The following HECW2 variants were observed in gnomAD, a reference collection of about 807,000 sequenced individuals.
HECW2 encodes HECT, C2 and WW domain containing E3 ubiquitin protein ligase 2.
A neutral mutation model predicts 175.2 loss-of-function variants in HECW2; 61 were observed. That is an observed-to-expected ratio of 0.35 (90% CI 0.28 to 0.43). The LOEUF (loss-of-function observed/expected upper bound fraction) is 0.43. Ranked by LOEUF, HECW2 falls within the 20% of genes least tolerant of loss-of-function variation. HECW2 has a pLI of 1.00. For missense variants in HECW2, 1,524 were observed against 2,000.5 expected, an observed-to-expected ratio of 0.76 and a Z score of 4.54; for synonymous variants, 671 against 731.0, an observed-to-expected ratio of 0.92 and a Z score of 1.32.
chr2:196,311,651 G>C (rs532770402), intron 10 of HECW2, among the ~76,000 whole-genome samples: 218 of 152,220 alleles, frequency 1.4e-3, no homozygotes, highest in Middle Eastern at 3.4e-3. Context: ...ACAAAATTCA[G>C]CCAGGGGTGG....
chr2:196,578,986 A>G (rs10208829), intron 1 of HECW2, among the ~76,000 whole-genome samples: 7,990 of 152,240 alleles, frequency 0.052, 682 homozygotes, highest in African/African-American at 0.18. Context: ...TATCTAATTT[A>G]AATGACAATT....
At chr2:196,243,176 T>TTTC (rs1688524313) in intron 19 of HECW2, among the ~76,000 whole-genome samples, 1 of 150,870 alleles carries the variant, frequency 6.6e-6, no homozygotes, top group South Asian at 2.1e-4. Flanking sequence ...GGATTCTTTT[T>TTTC]TTTTTTTTGA....
chr2:196,416,114 C>A (rs570835973), intron 2 of HECW2, among the ~76,000 whole-genome samples: 1 of 152,282 alleles, frequency 6.6e-6, no homozygotes, highest in East Asian at 1.9e-4. Context: ...AGCTTATAGA[C>A]ACTTGCATTG....
Position 196,196,028 on chromosome 2 carries a change from C to T in HECW2, c.*5249G>A, listed in dbSNP as rs1419999425. 1 of 152,022 alleles carries T rather than the reference C, an allele frequency of 6.6e-6. No homozygotes were observed. The highest frequency in any genetic ancestry group is 1.5e-5 in the Non-Finnish European group (1 of 68,022). The allele number at this position is 152,022 out of a possible 1,614,324, so 9.4% of individuals were successfully genotyped here. On this transcript the variant is annotated 3_prime_UTR_variant, in exon 29 of 29. Coordinates refer to ENST00000644978, the MANE Select transcript of HECW2 (RefSeq NM_001348768.2). ...CCCACCAGCAAGCCCTAAGATGATC[C>T]ATCTACCGTTGTTTTAACTTTCCCT...
At chr2:196,261,410 T>C (rs566380155) in intron 17 of HECW2, among the ~76,000 whole-genome samples, 2 of 152,366 alleles carry the variant, frequency 1.3e-5, no homozygotes, top group East Asian at 1.9e-4. Flanking sequence ...TTCAATGATA[T>C]GTTTTATCCT....
rs554794741 is a variant in HECW2 at position 196,394,998 on chromosome 2, C to T, written c.292+38134G>A. Among the ~76,000 whole-genome samples the T allele has an allele frequency of 2.3e-4, 35 of 152,252 alleles. No individual in the cohort carries two copies. The South Asian group carries it at 6.6e-3, about 29-fold the overall frequency. On this transcript the variant is annotated intron_variant, in intron 2 of 28. Transcript: ENST00000644978. ...AAATAATGCCTTTTATGTGTGCCCA[C>T]TTGGTAGAAGGGGCCAGATAGCTCT...
At chr2:196,328,506 ATGAACTGATGTGTACACTTT>A (rs1692238047) in intron 5 of HECW2, among the ~76,000 whole-genome samples, 1 of 152,232 alleles carries the variant, frequency 6.6e-6, no homozygotes, top group Non-Finnish European at 1.5e-5. Context: ...TGGGCCAGCA[ATGAACTGATGTGTACACTTT>A]AGTCATATGT....
Position 196,320,365 on chromosome 2 carries a change from A to G in HECW2, c.959T>C (p.Val320Ala). Residue 320 changes from valine to alanine, a missense_variant, in exon 8 of 29, where the codon GTG becomes GCG. Val to Ala is a moderately conservative substitution (Grantham distance 64). This residue lies in a region of HECW2 where 604 missense variants were observed against 588.3 expected (regional missense o/e 1.03). Transcript: ENST00000644978. ...TTCATGAACAGAAGACGTAACCTCC[A>G]CTTTAAACTGGAGGTACCCACTCAC... ...DHVSGYLQFK[V>A]EVTSSVHEDA... The G allele has an allele frequency of 1.9e-6, 3 of 1,610,878 alleles. No individual in the cohort carries two copies. Among genetic ancestry groups the G allele is most frequent in the Non-Finnish European group, 2.5e-6 (3 of 1,177,434 alleles).
chr2:196,364,651 T>C (rs1169521052), intron 2 of HECW2, among the ~76,000 whole-genome samples: 2 of 152,216 alleles, frequency 1.3e-5, no homozygotes, highest in African/African-American at 4.8e-5. Context: ...CTTACTATGA[T>C]ATCATATGGT....
At chr2:196,331,980 C>T (rs1247364804) in intron 4 of HECW2, among the ~76,000 whole-genome samples, 2 of 152,192 alleles carry the variant, frequency 1.3e-5, no homozygotes, top group Admixed American at 6.5e-5. Flanking sequence ...TGAGTAATGG[C>T]AGCCTTAATT....
chr2:196,562,087 A>G (rs1350668548), intron 1 of HECW2, among the ~76,000 whole-genome samples: 1 of 152,242 alleles, frequency 6.6e-6, no homozygotes, highest in African/African-American at 2.4e-5. Context: ...ACACTCTTGT[A>G]GCCAAGAATA....
At chr2:196,395,147 G>T (rs1694624470) in intron 2 of HECW2, among the ~76,000 whole-genome samples, 1 of 152,008 alleles carries the variant, frequency 6.6e-6, no homozygotes, top group Non-Finnish European at 1.5e-5. Flanking sequence ...CATGAATTTT[G>T]GGAAGAAACA....
intron 1 of HECW2, among the ~76,000 whole-genome samples, chr2:196,448,608 T>C (rs1037900787): frequency 6.6e-6 from 1 of 152,214 alleles, no homozygotes; most frequent in African/African-American, 2.4e-5. Flanking sequence ...ACTGCCTGAT[T>C]GGCTCTGCTG....
At position 196,220,826 on chromosome 2, in the gene HECW2, T is replaced by C; in HGVS notation, c.4262A>G (p.Gln1421Arg). 1 of 1,614,206 alleles carries C rather than the reference T, an allele frequency of 6.2e-7. No individual in the cohort carries two copies. The highest frequency in any genetic ancestry group is 8.5e-7 in the Non-Finnish European group (1 of 1,180,020). The change falls in exon 25 of 29, where the codon CAA (glutamine) becomes CGA (arginine). Residue 1421 changes from glutamine to arginine, a missense_variant. Physicochemically the swap from Gln to Arg is conservative, Grantham distance 43. Coordinates refer to ENST00000644978, the MANE Select transcript of HECW2 (RefSeq NM_001348768.2). ...GAAGCCACGCACTAAGCTCTCTGTT[T>C]GCTGTACAACACCCCTCTCAATCCT... The part of the protein sequence containing the change: ...KWRIERGVVQ[Q>R]TESLVRGFYE...
chr2:196,456,694 C>T (rs999696635), intron 1 of HECW2, among the ~76,000 whole-genome samples: 1 of 152,174 alleles, frequency 6.6e-6, no homozygotes, highest in African/African-American at 2.4e-5. Flanking sequence ...TTTTTTACTG[C>T]TCTTATGGGA....
At chr2:196,461,393 A>G (rs1244655397) in intron 1 of HECW2, among the ~76,000 whole-genome samples, 1 of 152,250 alleles carries the variant, frequency 6.6e-6, no homozygotes, top group African/African-American at 2.4e-5. Context: ...ACAACTGTAA[A>G]TGTCATACAT....
chr2:196,383,302 G>C (rs1694259096), intron 2 of HECW2, among the ~76,000 whole-genome samples: 1 of 152,216 alleles, frequency 6.6e-6, no homozygotes, highest in African/African-American at 2.4e-5. Flanking sequence ...GGCCAATCCA[G>C]GTGGAGATGC....
intron 2 of HECW2, among the ~76,000 whole-genome samples, chr2:196,430,895 CA>C (rs758468078): frequency 6.6e-6 from 1 of 152,054 alleles, no homozygotes; most frequent in African/African-American, 2.4e-5. Flanking sequence ...TAGTGGCCAA[CA>C]TTTGTCCAAA....
chr2:196,262,006 T>C (rs955869720), intron 17 of HECW2, among the ~76,000 whole-genome samples: 3 of 12,714 alleles, frequency 2.4e-4, no homozygotes, highest in African/African-American at 5.3e-4. Context: ...TACTTTAATA[T>C]ATTTATTCAA....
Sources: gnomAD v4.1 joint callset for allele counts (sites outside exome capture counted in the v4.1 genomes callset) on GRCh38, gnomAD v4.1.1 for gene constraint, gnomAD v4.1.1 regional missense constraint, MANE v1.5 for transcripts, NCBI Gene and HGNC (gene_info 2026-07-23, HGNC 2026-07-21) for gene names.